The following SPOCK1 variants were observed in gnomAD, a reference collection of about 807,000 sequenced individuals.
The protein encoded by SPOCK1 is testican-1.
In SPOCK1, 23 loss-of-function variants were observed where a neutral mutation model predicts 55.3. The observed-to-expected ratio is 0.42, with a 90% CI of 0.30 to 0.59. The LOEUF (loss-of-function observed/expected upper bound fraction) is 0.59. Among genes scored for constraint, SPOCK1 ranks in the 20% least tolerant of loss-of-function variants. The pLI is 0.22. For missense variants in SPOCK1, 499 were observed against 552.5 expected, an observed-to-expected ratio of 0.90 and a Z score of 0.97; for synonymous variants, 226 against 221.0, an observed-to-expected ratio of 1.02 and a Z score of -0.20.
At chr5:137,256,449 G>T (rs562919783) in intron 3 of SPOCK1, among the ~76,000 whole-genome samples, 24 of 152,288 alleles carry the variant, frequency 1.6e-4, no homozygotes, top group Admixed American at 5.9e-4. Context: ...GGGCCTTCTT[G>T]TTGTCTCAGG....
chr5:137,490,323 C>T (rs1754147384), intron 2 of SPOCK1, among the ~76,000 whole-genome samples: 1 of 152,188 alleles, frequency 6.6e-6, no homozygotes, highest in South Asian at 2.1e-4. Context: ...TCCTTTGGTT[C>T]TAAAGCCAAA....
intron 2 of SPOCK1, among the ~76,000 whole-genome samples, chr5:137,497,385 T>C (rs1339352050): frequency 1.3e-5 from 2 of 152,268 alleles, no homozygotes; most frequent in Admixed American, 6.5e-5. Flanking sequence ...TTTACTGTTA[T>C]GCCTTGGGCA....
chr5:137,065,918 T>C (rs957214718), intron 6 of SPOCK1, among the ~76,000 whole-genome samples: 1 of 152,192 alleles, frequency 6.6e-6, no homozygotes, highest in Admixed American at 6.5e-5. Flanking sequence ...AACAAATAGA[T>C]GGCACAGTCA....
chr5:137,273,147 T>C (rs866107729), intron 2 of SPOCK1, among the ~76,000 whole-genome samples: 1 of 152,206 alleles, frequency 6.6e-6, no homozygotes, highest in African/African-American at 2.4e-5. Context: ...CAATCATACT[T>C]GTACTGTAAC....
At chr5:137,344,719 A>AT (rs1282429311) in intron 2 of SPOCK1, among the ~76,000 whole-genome samples, 1 of 152,256 alleles carries the variant, frequency 6.6e-6, no homozygotes, top group African/African-American at 2.4e-5. Flanking sequence ...TTTAAACAAC[A>AT]TTGGGCATAA....
intron 3 of SPOCK1, among the ~76,000 whole-genome samples, chr5:137,242,807 A>G (rs1756312154): frequency 6.6e-6 from 1 of 152,228 alleles, no homozygotes; most frequent in African/African-American, 2.4e-5. Flanking sequence ...ATGCACAAAC[A>G]CAAAAAAAAG....
chr5:137,124,810 A>G (rs1402244958), intron 4 of SPOCK1, among the ~76,000 whole-genome samples: 1 of 152,166 alleles, frequency 6.6e-6, no homozygotes, highest in Non-Finnish European at 1.5e-5. Context: ...CTGACTTTAG[A>G]TGTGTGTAGT....
intron 3 of SPOCK1, among the ~76,000 whole-genome samples, chr5:137,166,170 G>A (rs940671477): frequency 1.7e-4 from 26 of 152,140 alleles, no homozygotes; most frequent in African/African-American, 6.3e-4. Flanking sequence ...AAAGCAGCAA[G>A]AGAAAATAAA....
At chr5:137,388,934 C>A (rs1751653204) in intron 2 of SPOCK1, among the ~76,000 whole-genome samples, 1 of 152,186 alleles carries the variant, frequency 6.6e-6, no homozygotes, top group South Asian at 2.1e-4. Flanking sequence ...ATTCACTTGT[C>A]ATCATATACA....
intron 3 of SPOCK1, among the ~76,000 whole-genome samples, chr5:137,257,295 C>G (rs1756653582): frequency 6.6e-6 from 1 of 152,194 alleles, no homozygotes; most frequent in Non-Finnish European, 1.5e-5. Flanking sequence ...TTGTGTCCCC[C>G]CCCAAAATTT....
chr5:137,416,745 T>C (rs138844752), intron 2 of SPOCK1, among the ~76,000 whole-genome samples: 1 of 152,018 alleles, frequency 6.6e-6, no homozygotes, highest in African/African-American at 2.4e-5. Flanking sequence ...TCAGTGAGAG[T>C]TCCACATCCC....
intron 2 of SPOCK1, among the ~76,000 whole-genome samples, chr5:137,294,117 A>G (rs1757432381): frequency 6.6e-6 from 1 of 152,210 alleles, no homozygotes; most frequent in African/African-American, 2.4e-5. Context: ...GGAATTGAGC[A>G]TTTAATCTTA....
chr5:137,297,613 T>C (rs1011073005), intron 2 of SPOCK1, among the ~76,000 whole-genome samples: 1 of 152,038 alleles, frequency 6.6e-6, no homozygotes, highest in African/African-American at 2.4e-5. Context: ...TCTGGCCTAG[T>C]AGAGGGCCTG....
At chr5:136,992,768 TG>T in intron 6 of SPOCK1, 168 bp from the exon 7 acceptor site, 2 of 519,968 alleles carry the variant, frequency 3.8e-6, no homozygotes, top group East Asian at 3.2e-5. Context: ...AAACAAAGAG[TG>T]GGACAAAAAG....
intron 5 of SPOCK1, 41 bp from the exon 6 acceptor site, chr5:137,067,870 T>C (rs1324175264): frequency 1.3e-6 from 2 of 1,539,160 alleles, no homozygotes; most frequent in Non-Finnish European, 9.0e-7. Context: ...AATGCAGCCA[T>C]AACAGACCCC....
intron 2 of SPOCK1, among the ~76,000 whole-genome samples, chr5:137,312,952 A>T (rs1757815376): frequency 6.6e-6 from 1 of 152,166 alleles, no homozygotes; most frequent in Non-Finnish European, 1.5e-5. Flanking sequence ...GGCCACAGTC[A>T]ACCAGGGACA....
intron 3 of SPOCK1, among the ~76,000 whole-genome samples, chr5:137,231,050 T>C (rs1356188078): frequency 1.8e-5 from 1 of 56,392 alleles, no homozygotes; most frequent in African/African-American, 4.1e-5. Flanking sequence ...GTTACCCCCT[T>C]TTTTTTTTTT....
chr5:137,096,558 C>T (rs959395338), intron 5 of SPOCK1, among the ~76,000 whole-genome samples: 2 of 152,272 alleles, frequency 1.3e-5, no homozygotes, highest in South Asian at 4.1e-4. Context: ...GCAGGCATAA[C>T]TGCAATAGGA....
chr5:137,008,295 T>TACAC (rs141325417), intron 6 of SPOCK1, among the ~76,000 whole-genome samples: 11,033 of 138,270 alleles, frequency 0.08, 526 homozygotes, highest in East Asian at 0.22. Context: ...TAATAATAAA[T>TACAC]ACACACACAC....
Sources: allele counts gnomAD v4.1 joint callset (sites outside exome capture counted in the v4.1 genomes callset), GRCh38; gene constraint gnomAD v4.1.1; transcripts MANE v1.5; gene names NCBI Gene and HGNC (gene_info 2026-07-23, HGNC 2026-07-21).